Variants in MYRFL observed in about 807,000 individuals in gnomAD.
MYRFL encodes the protein myelin regulatory factor-like protein.
MYRFL carries 88 observed loss-of-function variants against 109.4 expected under a neutral mutation model. The ratio of observed to expected loss-of-function variants is 0.80; its 90% CI spans 0.68 to 0.96. The LOEUF is 0.96. Among genes scored for constraint, MYRFL ranks in the 40% least tolerant of loss-of-function variants. MYRFL has a pLI of 0.00. For missense variants in MYRFL, 957 were observed against 954.9 expected (o/e 1.00, Z -0.03); for synonymous variants, 324 against 320.9 (o/e 1.01, Z -0.10).
chr12:69,909,384 T>C (rs1401630717), intron 11 of MYRFL, among the ~76,000 whole-genome samples: 1 of 152,154 alleles, frequency 6.6e-6, no homozygotes, highest in East Asian at 1.9e-4. Flanking sequence ...TAACAAAATA[T>C]GTTTTTGGTT....
At chr12:69,883,734 G>A (rs182070935) in intron 5 of MYRFL, among the ~76,000 whole-genome samples, 358 of 147,958 alleles carry the variant, frequency 2.4e-3, no homozygotes, top group Non-Finnish European at 3.4e-3. Flanking sequence ...AAAATTAGCC[G>A]ATGTGGTGGC....
At chr12:69,850,095 T>A (rs1274158823) in intron 1 of MYRFL, among the ~76,000 whole-genome samples, 1 of 152,206 alleles carries the variant, frequency 6.6e-6, no homozygotes, top group Non-Finnish European at 1.5e-5. Context: ...CTCATGATTT[T>A]AAAAATGGGA....
At chr12:69,946,406 C>G (rs1481333852) in intron 19 of MYRFL, 1 of 152,032 alleles carries the variant, frequency 6.6e-6, no homozygotes, top group Non-Finnish European at 1.5e-5. Context: ...TCAGAAAACC[C>G]AAAAACTTTT....
At chr12:69,922,467 T>A (rs561835416) in intron 13 of MYRFL, among the ~76,000 whole-genome samples, 3 of 152,314 alleles carry the variant, frequency 2.0e-5, no homozygotes, top group Non-Finnish European at 4.4e-5. Flanking sequence ...AAATTTCAAA[T>A]GTATAAAAAA....
At chr12:69,844,343 G>C (rs1427590179) in intron 1 of MYRFL, among the ~76,000 whole-genome samples, 2 of 152,166 alleles carry the variant, frequency 1.3e-5, no homozygotes, top group Non-Finnish European at 2.9e-5. Flanking sequence ...ACAGGAGTCA[G>C]GTCTTAGAAT....
At chr12:69,925,378 T>C (rs1955044222) in intron 13 of MYRFL, among the ~76,000 whole-genome samples, 1 of 152,232 alleles carries the variant, frequency 6.6e-6, no homozygotes, top group Non-Finnish European at 1.5e-5. Context: ...TGATTCTTTC[T>C]GAGTGATTGC....
intron 6 of MYRFL, among the ~76,000 whole-genome samples, chr12:69,889,366 A>G (rs1886651909): frequency 6.6e-6 from 1 of 152,146 alleles, no homozygotes; most frequent in Admixed American, 6.5e-5. Context: ...TCTTTTTATT[A>G]ACATTTTAGA....
At position 69,932,335 on chromosome 12, in the gene MYRFL, C is replaced by T. The variant is rs186378149; in HGVS notation, c.1831-178C>T. Among the ~76,000 whole-genome samples the T allele has an allele frequency of 2.0e-4, 31 of 152,236 alleles. 1 individual carries two copies. In the East Asian group the frequency reaches 5.6e-3, roughly 27 times the overall value. Reference sequence around the variant, plus strand: ...AGGAAAGGGAGGTACTTGAGATAGACTTTGAAAGAATGTTGTTTTCAGAGA... The same window carrying T: ...AGGAAAGGGAGGTACTTGAGATAGATTTTGAAAGAATGTTGTTTTCAGAGA... On this transcript the variant is annotated intron_variant, in intron 15 of 24. Coordinates refer to ENST00000552032, the MANE Select transcript of MYRFL (RefSeq NM_182530.3).
chr12:69,851,446 C>G (rs1042734030), intron 1 of MYRFL, among the ~76,000 whole-genome samples: 2 of 152,130 alleles, frequency 1.3e-5, no homozygotes, highest in African/African-American at 2.4e-5. Flanking sequence ...TTATGAACAT[C>G]AAAACATGCT....
chr12:69,923,308 C>T, intron 13 of MYRFL, among the ~76,000 whole-genome samples: 1 of 152,180 alleles, frequency 6.6e-6, no homozygotes, highest in East Asian at 1.9e-4. Flanking sequence ...TACTCAAAAT[C>T]TGGGTCCTTT....
At chr12:69,909,515 C>A (rs1954482945) in intron 11 of MYRFL, among the ~76,000 whole-genome samples, 1 of 151,992 alleles carries the variant, frequency 6.6e-6, no homozygotes, top group Non-Finnish European at 1.5e-5. Flanking sequence ...AGGGTACCCA[C>A]AAAGGGCTAC....
chr12:69,869,974 T>C (rs1011166604), intron 2 of MYRFL, among the ~76,000 whole-genome samples: 1 of 152,260 alleles, frequency 6.6e-6, no homozygotes, highest in Admixed American at 6.5e-5. Flanking sequence ...ATTCAACCCC[T>C]GGGAGATTGT....
intron 14 of MYRFL, among the ~76,000 whole-genome samples, 180 bp from the exon 15 acceptor site, chr12:69,927,505 T>G (rs1024081315): frequency 4.6e-5 from 7 of 152,176 alleles, no homozygotes; most frequent in African/African-American, 1.7e-4. Context: ...TTCATTCAGT[T>G]ATACTTACTA....
At chr12:69,957,039 A>AACAT (rs1956113178) in intron 22 of MYRFL, among the ~76,000 whole-genome samples, 1 of 137,996 alleles carries the variant, frequency 7.2e-6, no homozygotes, top group Non-Finnish European at 1.6e-5. Flanking sequence ...ACTTAAAAAT[A>AACAT]ACATACATAC....
chr12:69,911,670 C>G (rs192838394), intron 13 of MYRFL, among the ~76,000 whole-genome samples: 21 of 152,272 alleles, frequency 1.4e-4, no homozygotes, highest in African/African-American at 4.8e-4. Context: ...AATACCATAT[C>G]TATTGATTCT....
At chr12:69,919,892 C>A (rs890603167) in intron 13 of MYRFL, among the ~76,000 whole-genome samples, 3 of 152,152 alleles carry the variant, frequency 2.0e-5, no homozygotes, top group Admixed American at 6.5e-5. Context: ...GAAAGAAAGG[C>A]CTATTTCAAC....
chr12:69,858,260 T>G (rs1006106216), intron 2 of MYRFL, among the ~76,000 whole-genome samples: 2 of 151,942 alleles, frequency 1.3e-5, no homozygotes, highest in African/African-American at 2.4e-5. Flanking sequence ...TTGGTAAAAT[T>G]TTGTTGAGCA....
chr12:69,856,106 G>C (rs1884267352), intron 2 of MYRFL, among the ~76,000 whole-genome samples: 1 of 151,198 alleles, frequency 6.6e-6, no homozygotes, highest in Non-Finnish European at 1.5e-5. Flanking sequence ...ACTGTCCCCT[G>C]GTAACCACTG....
At chr12:69,913,736 T>C (rs1288552310) in intron 13 of MYRFL, among the ~76,000 whole-genome samples, 2 of 152,228 alleles carry the variant, frequency 1.3e-5, no homozygotes, top group Admixed American at 6.5e-5. Flanking sequence ...GTGTGAGTCA[T>C]ACGGCTTTGT....
Sources: allele counts gnomAD v4.1 joint callset (sites outside exome capture counted in the v4.1 genomes callset), GRCh38; gene constraint gnomAD v4.1.1; transcripts MANE v1.5; gene names NCBI Gene and HGNC (gene_info 2026-07-23, HGNC 2026-07-21).